The following B4GALT1 variants were observed in gnomAD, a reference collection of about 807,000 sequenced individuals.
B4GALT1 encodes the protein beta-1,4-galactosyltransferase 1, also known as N-acetyllactosamine synthase.
B4GALT1 carries 16 observed loss-of-function variants against 34.9 expected under a neutral mutation model. The ratio of observed to expected loss-of-function variants is 0.46; its 90% CI spans 0.31 to 0.70. The LOEUF is 0.70. Among genes scored for constraint, B4GALT1 ranks in the 30% least tolerant of loss-of-function variants. B4GALT1 has a pLI of 0.05. For missense variants in B4GALT1, 445 were observed against 530.5 expected (o/e 0.84, Z 1.58); for synonymous variants, 221 against 218.1 (o/e 1.01, Z -0.12).
rs755473720 is a variant in B4GALT1, at chr9:33,166,912, A to C, written c.258T>G (p.Pro86=). 3 of 1,575,892 alleles carry C rather than the reference A, an allele frequency of 1.9e-6. No homozygotes were observed. The highest frequency in any genetic ancestry group is 2.3e-5 in the South Asian group (2 of 88,426). ...GCGGCTGGGAGGAGGCGCCTAGAGG[A>C]GGCGGCGGCCGGGCCCCTCCGGTCC... ...ELRTGGARPP[P]PLGASSQPRP... Residue 86 remains proline (P), a synonymous_variant, in exon 1 of 6, where the codon CCT becomes CCG. Transcript: ENST00000379731.
At chr9:33,134,023 A>G (rs1194060109) in intron 2 of B4GALT1, among the ~76,000 whole-genome samples, 3 of 152,172 alleles carry the variant, frequency 2.0e-5, no homozygotes, top group African/African-American at 4.8e-5. Flanking sequence ...GGCAGCCACC[A>G]TCCAATCACA....
chr9:33,123,757 G>T (rs1302717413), intron 2 of B4GALT1, among the ~76,000 whole-genome samples: 1 of 152,136 alleles, frequency 6.6e-6, no homozygotes, highest in Non-Finnish European at 1.5e-5. Flanking sequence ...TTGGAATTTT[G>T]GAACCACGAA....
rs192065176 is a variant in B4GALT1, at chr9:33,133,047, C to T, written c.648+2142G>A. On this transcript the variant is annotated intron_variant, in intron 2 of 5. Transcript: ENST00000379731. ...CCTCCCGAGTAGCTGGGATTACAGC[C>T]GCCCACCACTATGTCCAGCTAATTT... Among the ~76,000 whole-genome samples the T allele has an allele frequency of 5.3e-5, 8 of 152,162 alleles. No individual in the cohort carries two copies. The East Asian group carries it at 1.2e-3, about 22-fold the overall frequency.
upstream of B4GALT1, among the ~76,000 whole-genome samples, chr9:33,169,694 G>C (rs561312416): frequency 3.3e-5 from 5 of 151,556 alleles, no homozygotes; most frequent in African/African-American, 1.2e-4. Flanking sequence ...CTAATTTTTT[G>C]TGTTTTTAGT....
At chr9:33,184,253 T>TAGACACAC in the B4GALT1 span, among the ~76,000 whole-genome samples, 442 of 147,230 alleles carry the variant, frequency 3.0e-3, 4 homozygotes, top group African/African-American at 8.8e-3. Flanking sequence ...GTCACTCTTG[T>TAGACACAC]ACACACACAC....
chr9:33,113,730 C>T (rs1283757048), intron 5 of B4GALT1, 44 bp downstream of exon 5: 1 of 1,612,012 alleles, frequency 6.2e-7, no homozygotes, highest in East Asian at 2.2e-5. Flanking sequence ...TGCAGCCTAC[C>T]TCATCCTAAA....
chr9:33,118,234 T>G (rs939389557), intron 3 of B4GALT1, among the ~76,000 whole-genome samples: 1 of 152,162 alleles, frequency 6.6e-6, no homozygotes, highest in Non-Finnish European at 1.5e-5. Context: ...TTTCCTCCCT[T>G]TAAGACAAGA....
Position 33,111,419 on chromosome 9 carries a change from TC to T in B4GALT1, c.*2034del, listed in dbSNP as rs767384487. The T allele has an allele frequency of 2.0e-5, 3 of 152,604 alleles. No homozygotes were observed. The highest frequency in any genetic ancestry group is 4.4e-5 in the Non-Finnish European group (3 of 68,042). 9.5% of individuals were successfully genotyped at this position (152,604 alleles called of 1,614,324 possible). A position where few individuals can be genotyped will look rare whatever the true frequency, so the allele number is the denominator to read the frequency against. Reference sequence around the variant, plus strand: ...AAGAGAGGCTTTCATTCTTCTTATTTCCCACAACTCCCTCTCAATGCAGTCA... The same window carrying T: ...AAGAGAGGCTTTCATTCTTCTTATTTCCACAACTCCCTCTCAATGCAGTCA... On this transcript the variant is annotated 3_prime_UTR_variant, in exon 6 of 6. Coordinates refer to ENST00000379731, the MANE Select transcript of B4GALT1 (RefSeq NM_001497.4).
chr9:33,167,636 C>G (rs1390296816), upstream of B4GALT1, among the ~76,000 whole-genome samples: 5 of 152,248 alleles, frequency 3.3e-5, no homozygotes, highest in African/African-American at 1.2e-4. Flanking sequence ...TCCACGCTGC[C>G]CTCGACAGGC....
intron 3 of B4GALT1, among the ~76,000 whole-genome samples, 198 bp from the exon 4 acceptor site, chr9:33,116,311 A>T (rs1839937625): frequency 6.6e-6 from 1 of 152,002 alleles, no homozygotes; most frequent in Non-Finnish European, 1.5e-5. Context: ...GGCTCACTGC[A>T]ACTTCCGCCT....
chr9:33,152,592 G>T (rs781425644), intron 1 of B4GALT1, among the ~76,000 whole-genome samples: 1 of 149,592 alleles, frequency 6.7e-6, no homozygotes, highest in African/African-American at 2.5e-5. Context: ...GAAAAAAAAA[G>T]TCAGCTGGGC....
chr9:33,141,827 C>T, intron 1 of B4GALT1, among the ~76,000 whole-genome samples: 1 of 152,112 alleles, frequency 6.6e-6, no homozygotes, highest in East Asian at 1.9e-4. Context: ...GCCACCTGCA[C>T]AAGTAACAAA....
chr9:33,155,983 T>G (rs1241105746), intron 1 of B4GALT1, among the ~76,000 whole-genome samples: 1 of 152,186 alleles, frequency 6.6e-6, no homozygotes, highest in Admixed American at 6.5e-5. Context: ...CCTAATTCAG[T>G]GGGCCCAGAG....
intron 1 of B4GALT1, among the ~76,000 whole-genome samples, chr9:33,150,740 A>T (rs572726309): frequency 1.4e-4 from 22 of 152,268 alleles, no homozygotes; most frequent in Admixed American, 4.6e-4. Context: ...ATCTAAAAAA[A>T]TTTTTTTTAA....
the B4GALT1 span, among the ~76,000 whole-genome samples, chr9:33,172,543 A>C: frequency 6.6e-6 from 1 of 152,142 alleles, no homozygotes; most frequent in African/African-American, 2.4e-5. Context: ...TTCTTTTCTT[A>C]TCTGCCATCC....
chr9:33,134,800 T>G (rs1048217673), intron 2 of B4GALT1, among the ~76,000 whole-genome samples: 3 of 152,212 alleles, frequency 2.0e-5, no homozygotes, highest in Non-Finnish European at 4.4e-5. Flanking sequence ...AACTTTGAAG[T>G]TACCTAAAAG....
upstream of B4GALT1, among the ~76,000 whole-genome samples, chr9:33,168,521 G>A (rs770382577): frequency 2.0e-5 from 3 of 152,238 alleles, no homozygotes; most frequent in Non-Finnish European, 2.9e-5. Flanking sequence ...AGTAGGTGGT[G>A]TTACGGTGTC....
At chr9:33,179,209 T>C in the B4GALT1 span, 1 of 152,202 alleles carries the variant, frequency 6.6e-6, no homozygotes, top group African/African-American at 2.4e-5. Flanking sequence ...TGGTGAAGAA[T>C]TGGGAATAAT....
At chr9:33,105,884 T>TTTTG (rs1554683666), downstream of B4GALT1, among the ~76,000 whole-genome samples, 4 of 145,498 alleles carry the variant, frequency 2.7e-5, no homozygotes, top group Admixed American at 2.8e-4. Flanking sequence ...TCGTGGGTTT[T>TTTTG]TTTTTTTTTT....
Sources: allele counts gnomAD v4.1 joint callset (sites outside exome capture counted in the v4.1 genomes callset), GRCh38; gene constraint gnomAD v4.1.1; transcripts MANE v1.5; gene names NCBI Gene and HGNC (gene_info 2026-07-23, HGNC 2026-07-21).